Variants in ADGRB3 observed in about 807,000 individuals in gnomAD.
ADGRB3 encodes the protein adhesion G protein-coupled receptor B3.
ADGRB3 carries 37 observed loss-of-function variants against 193.4 expected under a neutral mutation model. That is an observed-to-expected ratio of 0.19 (90% CI 0.15 to 0.25). ADGRB3 has a LOEUF of 0.25. ADGRB3 is among the 10% of genes least tolerant of loss of function. The probability of loss-of-function intolerance (pLI) is 1.00; values close to 1 mark genes in which losing one functional copy is unlikely to be tolerated. For missense variants in ADGRB3, 1,637 were observed against 1,852.9 expected, an observed-to-expected ratio of 0.88 and a Z score of 2.14; for synonymous variants, 690 against 644.2, an observed-to-expected ratio of 1.07 and a Z score of -1.08.
At chr6:68,754,507 C>T (rs917123855) in intron 3 of ADGRB3, among the ~76,000 whole-genome samples, 8 of 152,330 alleles carry the variant, frequency 5.3e-5, no homozygotes, top group East Asian at 1.9e-4. Context: ...TGAAAACACA[C>T]ATTGTATATT....
intron 16 of ADGRB3, among the ~76,000 whole-genome samples, chr6:69,069,726 C>T (rs1318280930): frequency 1.1e-5 from 1 of 91,928 alleles, no homozygotes; most frequent in East Asian, 5.9e-4. Flanking sequence ...GTGAGACTCT[C>T]TCATTAAAAA....
At chr6:69,112,773 T>C (rs578127120) in intron 17 of ADGRB3, among the ~76,000 whole-genome samples, 33 of 152,334 alleles carry the variant, frequency 2.2e-4, no homozygotes, top group Middle Eastern at 3.4e-3. Context: ...ATTTTTTTTT[T>C]TTGAGATGGA....
At chr6:68,665,540 GA>G in intron 3 of ADGRB3, among the ~76,000 whole-genome samples, 1 of 151,904 alleles carries the variant, frequency 6.6e-6, no homozygotes, top group South Asian at 2.1e-4. Flanking sequence ...CTATTGCACA[GA>G]GCTCTGTTGG....
rs763335000 is a variant in ADGRB3 at position 69,018,479 on chromosome 6, A to G, written c.2087A>G (p.Tyr696Cys). ...GMGMMDFQNS[Y>C]LMTGNVVASI... is the part of the protein sequence containing the mutation. ...GGGATGATGGACTTTCAGAATTCATACTTAATGACTGGAAATGTAGGTAAG... is the reference window on the plus strand; with the variant it reads ...GGGATGATGGACTTTCAGAATTCATGCTTAATGACTGGAAATGTAGGTAAG... Residue 696 changes from tyrosine (Y) to cysteine (C), a missense_variant, in exon 13 of 32, where the codon TAC becomes TGC. Tyr to Cys is a radical substitution (Grantham distance 194). Coordinates refer to ENST00000370598, the MANE Select transcript of ADGRB3 (RefSeq NM_001704.3). 8.1e-6 allele frequency: 13 copies of G among 1,603,822 alleles called. No individual in the cohort carries two copies. The South Asian group carries it at 1.3e-4, about 16-fold the overall frequency.
At chr6:69,269,298 T>C (rs990073621) in intron 20 of ADGRB3, among the ~76,000 whole-genome samples, 7 of 152,146 alleles carry the variant, frequency 4.6e-5, no homozygotes, top group Admixed American at 3.3e-4. Context: ...AAAGACTTCA[T>C]TGAAAACAGG....
At chr6:69,161,181 CT>C (rs1243719605) in intron 17 of ADGRB3, among the ~76,000 whole-genome samples, 11 of 151,878 alleles carry the variant, frequency 7.2e-5, no homozygotes, top group Admixed American at 3.3e-4. Flanking sequence ...CAATTAGTAT[CT>C]ATCATTTATT....
chr6:68,868,285 C>G (rs1023397056), intron 3 of ADGRB3, among the ~76,000 whole-genome samples: 11 of 152,284 alleles, frequency 7.2e-5, no homozygotes, highest in African/African-American at 2.6e-4. Context: ...CCCACTTGCT[C>G]TGTCTCTCCT....
chr6:68,897,881 AAAG>A (rs1183848356), intron 3 of ADGRB3, among the ~76,000 whole-genome samples: 1 of 149,466 alleles, frequency 6.7e-6, no homozygotes, highest in Non-Finnish European at 1.5e-5. Context: ...AGAAAGAAAG[AAAG>A]AAAAAAGAAA....
At chr6:69,367,859 A>T (rs562030429) in intron 29 of ADGRB3, among the ~76,000 whole-genome samples, 181 of 152,084 alleles carry the variant, frequency 1.2e-3, no homozygotes, top group African/African-American at 4.1e-3. Context: ...CATGGATGAA[A>T]TTGGAAAGCA....
chr6:68,832,625 T>C (rs1210784916), intron 3 of ADGRB3, among the ~76,000 whole-genome samples: 1 of 152,142 alleles, frequency 6.6e-6, no homozygotes, highest in African/African-American at 2.4e-5. Context: ...TGCATCATTG[T>C]TATTAGATTG....
intron 17 of ADGRB3, among the ~76,000 whole-genome samples, chr6:69,147,366 T>C (rs1214456394): frequency 1.3e-5 from 2 of 152,182 alleles, no homozygotes; most frequent in Non-Finnish European, 2.9e-5. Context: ...TGTTTCAAGA[T>C]ATATTTCAGT....
intron 3 of ADGRB3, among the ~76,000 whole-genome samples, chr6:68,721,655 T>TATATATAA (rs1386347336): frequency 7.1e-6 from 1 of 141,348 alleles, no homozygotes; most frequent in African/African-American, 2.6e-5. Context: ...TATATATATA[T>TATATATAA]AAATTATCAT....
chr6:69,177,018 C>G (rs553378925), intron 17 of ADGRB3, among the ~76,000 whole-genome samples: 1 of 152,264 alleles, frequency 6.6e-6, no homozygotes, highest in Non-Finnish European at 1.5e-5. Context: ...GATATTCTCT[C>G]TTTCTTTCTA....
chr6:69,321,076 A>G (rs1278889236), intron 20 of ADGRB3, among the ~76,000 whole-genome samples: 17 of 151,634 alleles, frequency 1.1e-4, no homozygotes, highest in Admixed American at 9.9e-4. Context: ...GCTATGGTAC[A>G]TATTGTCAAT....
At chr6:68,686,977 C>T (rs1764994598) in intron 3 of ADGRB3, among the ~76,000 whole-genome samples, 1 of 151,930 alleles carries the variant, frequency 6.6e-6, no homozygotes, top group Non-Finnish European at 1.5e-5. Flanking sequence ...TAAAAATATG[C>T]TTTTTGAAAA....
At chr6:68,925,234 T>C (rs1001259007) in intron 3 of ADGRB3, among the ~76,000 whole-genome samples, 1 of 151,970 alleles carries the variant, frequency 6.6e-6, no homozygotes, top group African/African-American at 2.4e-5. Context: ...AGGCAAACTC[T>C]TACAAATTAG....
intron 3 of ADGRB3, among the ~76,000 whole-genome samples, chr6:68,868,934 TG>T (rs1765382966): frequency 6.7e-6 from 1 of 150,320 alleles, no homozygotes; most frequent in African/African-American, 2.5e-5. Flanking sequence ...TGTGTGTGTG[TG>T]TGTGTGAGTG....
At chr6:68,969,827 C>T (rs1438131758) in intron 8 of ADGRB3, among the ~76,000 whole-genome samples, 1 of 152,210 alleles carries the variant, frequency 6.6e-6, no homozygotes, top group African/African-American at 2.4e-5. Flanking sequence ...CACTGGTCTC[C>T]TCCACGGCAT....
intron 3 of ADGRB3, among the ~76,000 whole-genome samples, chr6:68,742,770 C>T (rs1167352883): frequency 6.6e-6 from 1 of 151,980 alleles, no homozygotes; most frequent in Admixed American, 6.6e-5. Flanking sequence ...GCCACGTAAA[C>T]TTCTAGATAT....
Sources: allele counts gnomAD v4.1 joint callset (sites outside exome capture counted in the v4.1 genomes callset), GRCh38; gene constraint gnomAD v4.1.1; transcripts MANE v1.5; gene names NCBI Gene and HGNC (gene_info 2026-07-23, HGNC 2026-07-21).